HADHA: variants seen among roughly 807,000 people sequenced by gnomAD.
HADHA encodes the protein trifunctional enzyme subunit alpha, mitochondrial.
In HADHA, 59 loss-of-function variants were observed where a neutral mutation model predicts 91.3. The ratio of observed to expected loss-of-function variants is 0.65; its 90% CI spans 0.52 to 0.80. The LOEUF (loss-of-function observed/expected upper bound fraction) is 0.80. HADHA is among the 30% of genes least tolerant of loss of function. The pLI is 0.00. For missense variants in HADHA, 800 were observed against 927.6 expected, an observed-to-expected ratio of 0.86 and a Z score of 1.79; for synonymous variants, 320 against 338.9, an observed-to-expected ratio of 0.94 and a Z score of 0.61.
intron 6 of HADHA, among the ~76,000 whole-genome samples, chr2:26,230,903 A>T (rs1239729195): frequency 6.6e-6 from 1 of 152,184 alleles, no homozygotes; most frequent in Non-Finnish European, 1.5e-5. Flanking sequence ...CCTGAACAAC[A>T]AAAGTGACTC....
chr2:26,227,682 T>C (rs140499433), intron 7 of HADHA, among the ~76,000 whole-genome samples: 2 of 152,090 alleles, frequency 1.3e-5, no homozygotes, highest in African/African-American at 2.4e-5. Flanking sequence ...AGCAAACACA[T>C]ACCTAGCAAA....
chr2:26,215,087 C>G lies in HADHA; in HGVS notation c.765G>C (p.Lys255Asn). Reference protein sequence around the residue: ...ITFAKGLADKKISPKRDKGLV... With the variant: ...ITFAKGLADKNISPKRDKGLV... ...ATCCCTTGTCTCTCTTTGGAGAGAT[C>G]TTCTTATCAGCTAGTCCTTTGGCAA... Residue 255 changes from lysine to asparagine, a missense_variant, in exon 8 of 20, where the codon AAG (lysine) becomes AAC (asparagine). Physicochemically the swap from Lys to Asn is moderately conservative, Grantham distance 94 (BLOSUM62 0). Coordinates refer to ENST00000380649, the MANE Select transcript of HADHA (RefSeq NM_000182.5). The G allele has an allele frequency of 6.2e-7, 1 of 1,606,966 alleles. No individual in the cohort carries two copies. Among genetic ancestry groups the G allele is most frequent in the South Asian group, 1.1e-5 (1 of 90,934 alleles).
intron 7 of HADHA, among the ~76,000 whole-genome samples, chr2:26,218,951 G>A (rs1670301918): frequency 7.6e-6 from 1 of 131,870 alleles, no homozygotes; most frequent in Non-Finnish European, 1.6e-5. Flanking sequence ...AGATTGCAGT[G>A]AGTCAAGATC....
At chr2:26,226,793 T>C (rs1406728250) in intron 7 of HADHA, among the ~76,000 whole-genome samples, 1 of 152,070 alleles carries the variant, frequency 6.6e-6, no homozygotes, top group Non-Finnish European at 1.5e-5. Context: ...ACTAATAGCA[T>C]GATCCATAAA....
chr2:26,204,186 T>C lies in HADHA; in HGVS notation c.1096A>G (p.Ile366Val), dbSNP rs1334300230. The change falls in exon 12 of 20, where the codon ATT (isoleucine) becomes GTT (valine). Residue 366 changes from isoleucine to valine, a missense_variant. By Grantham distance (29) the Ile-to-Val change is conservative (BLOSUM62 3). Transcript: ENST00000380649. Reference protein sequence around the residue: ...APQKDVKHLAILGAGLMGAGI... With the variant: ...APQKDVKHLAVLGAGLMGAGI... ...GCTCCCATCAGCCCTGCACCAAGAA[T>C]AGCCAGATGCCTGCAAGGCAAGGAT... The C allele has an allele frequency of 1.9e-6, 3 of 1,613,916 alleles. No individual in the cohort carries two copies. Among genetic ancestry groups the C allele is most frequent in the African/African-American group, 1.3e-5 (1 of 74,938 alleles).
At position 26,229,343 on chromosome 2, in the gene HADHA, C is replaced by CGT. The variant is rs1230785567; in HGVS notation, c.676+848_676+849insAC. On this transcript the variant is annotated intron_variant, in intron 7 of 19. Transcript: ENST00000380649. This position sits in a 1 kb window ranked among gnomAD's most constrained non-coding sequence, Gnocchi z 4.3. ...ACAGAGTGAGACCCCAACATGTGTG[C>CGT]GCGCGCACACACACACACACACACA... Among the ~76,000 whole-genome samples the CGT allele has an allele frequency of 2.0e-5, 2 of 101,262 alleles. No individual in the cohort carries two copies. The highest frequency in any genetic ancestry group is 3.3e-4 in the East Asian group (1 of 3,076). 66.4% of individuals were successfully genotyped at this position (101,262 alleles called of 152,430 possible).
intron 5 of HADHA, among the ~76,000 whole-genome samples, chr2:26,233,542 G>A (rs1026311734): frequency 2.0e-5 from 3 of 151,922 alleles, no homozygotes; most frequent in Admixed American, 1.3e-4. Flanking sequence ...ATTATTTACC[G>A]TCTTTACTAC....
In HADHA at chr2:26,238,953, A is replaced by C. The variant is rs2147785483; in HGVS notation, c.161T>G (p.Ile54Ser). 1.2e-6 allele frequency: 2 copies of C among 1,606,908 alleles called. No homozygotes were observed. Among genetic ancestry groups the C allele is most frequent in the Non-Finnish European group, 1.7e-6 (2 of 1,174,478 alleles). The change falls in exon 3 of 20, where the codon ATT (isoleucine) becomes AGT (serine). Residue 54 changes from isoleucine to serine, a missense_variant. Physicochemically the swap from Ile to Ser is moderately radical, Grantham distance 142 (BLOSUM62 -2). Transcript: ENST00000380649. ...GVKGDVAVVR[I>S]NSPNSKVNTL... ...AGATACCTTTGAATTGGGAGAGTTA[A>C]TTCGAACAACTGCCACATCCCCTTT...
intron 7 of HADHA, among the ~76,000 whole-genome samples, chr2:26,222,043 C>T (rs1010225360): frequency 2.0e-5 from 3 of 152,152 alleles, no homozygotes; most frequent in African/African-American, 7.2e-5. Context: ...AAGTCCTATC[C>T]TCCAGTATCT....
intron 1 of HADHA, among the ~76,000 whole-genome samples, chr2:26,243,459 C>T (rs1670967031): frequency 6.6e-6 from 1 of 151,498 alleles, no homozygotes; most frequent in Admixed American, 6.6e-5. Flanking sequence ...CTATAATGTG[C>T]TTATGTTATA....
At chr2:26,203,290 T>G (rs1013175910) in intron 12 of HADHA, among the ~76,000 whole-genome samples, 22 of 152,180 alleles carry the variant, frequency 1.4e-4, no homozygotes, top group Non-Finnish European at 5.9e-5. Context: ...AAAAGCTCAC[T>G]CAGCTAAAAG....
At chr2:26,204,235 C>T (rs1461644663) in intron 11 of HADHA, 39 bp from the exon 12 acceptor site, 1 of 1,602,442 alleles carries the variant, frequency 6.2e-7, no homozygotes, top group African/African-American at 1.3e-5. Context: ...GTAAACTGAT[C>T]TTAATCATTT....
intron 9 of HADHA, among the ~76,000 whole-genome samples, chr2:26,213,548 C>G (rs1670152258): frequency 1.3e-5 from 2 of 152,140 alleles, no homozygotes; most frequent in South Asian, 4.1e-4. Flanking sequence ...CATAACTTTG[C>G]TCTAAATGCC....
In HADHA at chr2:26,234,313, T is replaced by G. The variant is rs1281977710; in HGVS notation, c.357A>C (p.Leu119=). The G allele has an allele frequency of 1.9e-6, 3 of 1,613,292 alleles. No homozygotes were observed. The highest frequency in any genetic ancestry group is 2.5e-6 in the Non-Finnish European group (3 of 1,179,180). ...CAACTATTCTCTGTGCTTCTTGTGA[T>G]AGCTGTGTTACTTCTTGAAGGGTCT... is the stretch of plus-strand genomic sequence containing the variant. ...ACKTLQEVTQ[L]SQEAQRIVEK... The change falls in exon 5 of 20, where the codon CTA becomes CTC. Residue 119 remains leucine (L), a synonymous_variant. Coordinates refer to ENST00000380649, the MANE Select transcript of HADHA (RefSeq NM_000182.5).
At chr2:26,236,359 G>GTGTATATA (rs141555532) in intron 4 of HADHA, among the ~76,000 whole-genome samples, 14 of 137,926 alleles carry the variant, frequency 1.0e-4, no homozygotes, top group South Asian at 2.3e-4. Flanking sequence ...GTGTGTGTGT[G>GTGTATATA]TATATATATA....
At chr2:26,240,052 T>C (rs1042682208) in intron 1 of HADHA, among the ~76,000 whole-genome samples, 3 of 152,208 alleles carry the variant, frequency 2.0e-5, no homozygotes, top group African/African-American at 7.2e-5. Context: ...CTTCTTTATA[T>C]TTGCATCATG....
intron 1 of HADHA, 101 bp from the exon 2 acceptor site, chr2:26,239,244 C>T: frequency 1.2e-6 from 1 of 842,780 alleles, no homozygotes; most frequent in Non-Finnish European, 2.1e-6. Flanking sequence ...ACAACAAAAA[C>T]CCCAAATCTG....
rs1670556397 is a variant in HADHA at position 26,229,281 on chromosome 2, C to G, written c.676+911G>C. Among the ~76,000 whole-genome samples the G allele has an allele frequency of 6.6e-6, 1 of 151,468 alleles. No homozygotes were observed. The highest frequency in any genetic ancestry group is 2.4e-5 in the African/African-American group (1 of 41,202). On this transcript the variant is annotated intron_variant, in intron 7 of 19. Coordinates refer to ENST00000380649, the MANE Select transcript of HADHA (RefSeq NM_000182.5). The surrounding 1 kb of genome is among the most constrained non-coding windows in gnomAD (Gnocchi z 4.3). ...TGAGCCCAAAAAGTTGAGGTTGCAACAAGCTATATTCACACCACCATATTC... is the reference window on the plus strand; with the variant it reads ...TGAGCCCAAAAAGTTGAGGTTGCAAGAAGCTATATTCACACCACCATATTC...
At chr2:26,225,910 T>C (rs1314968921) in intron 7 of HADHA, among the ~76,000 whole-genome samples, 1 of 152,114 alleles carries the variant, frequency 6.6e-6, no homozygotes, top group Non-Finnish European at 1.5e-5. Context: ...AAACTGTCTT[T>C]ACTTACAGAC....
Sources: gnomAD v4.1 joint callset for allele counts (sites outside exome capture counted in the v4.1 genomes callset) on GRCh38, gnomAD v4.1.1 for gene constraint, Gnocchi (gnomAD v3.1) non-coding constraint, MANE v1.5 for transcripts, NCBI Gene and HGNC (gene_info 2026-07-23, HGNC 2026-07-21) for gene names.